Variants in SETDB2 observed in about 807,000 individuals in gnomAD.
The protein encoded by SETDB2 is SET domain bifurcated histone lysine methyltransferase 2.
In SETDB2, 56 loss-of-function variants were observed where a neutral mutation model predicts 82.5. The observed-to-expected ratio is 0.68, with a 90% CI of 0.55 to 0.85. The LOEUF (loss-of-function observed/expected upper bound fraction) is 0.85. Ranked by LOEUF, SETDB2 falls within the 40% of genes least tolerant of loss-of-function variation. SETDB2 has a pLI of 0.00. For missense variants in SETDB2, 677 were observed against 816.4 expected, an observed-to-expected ratio of 0.83 and a Z score of 2.08; for synonymous variants, 272 against 284.9, an observed-to-expected ratio of 0.95 and a Z score of 0.46.
intron 2 of SETDB2, among the ~76,000 whole-genome samples, chr13:49,453,295 T>C (rs1234913733): frequency 1.3e-5 from 2 of 150,058 alleles, no homozygotes; most frequent in Non-Finnish European, 3.0e-5. Flanking sequence ...CAGTTGGCTC[T>C]TTTTTTTCTT....
intron 5 of SETDB2, among the ~76,000 whole-genome samples, chr13:49,471,685 C>T (rs1251541682): frequency 6.6e-6 from 1 of 151,726 alleles, no homozygotes; most frequent in Non-Finnish European, 1.5e-5. Flanking sequence ...CCTACACATA[C>T]ATACACACAT....
At chr13:49,464,154 C>A in intron 4 of SETDB2, 1 of 724,870 alleles carries the variant, frequency 1.4e-6, no homozygotes, top group East Asian at 2.6e-5. Context: ...TAAATGGGTC[C>A]TATGAGAATA....
intron 9 of SETDB2, 32 bp downstream of exon 9, chr13:49,482,994 C>A: frequency 1.5e-6 from 2 of 1,291,926 alleles, no homozygotes; most frequent in Non-Finnish European, 2.2e-6. Flanking sequence ...CAGAGTAAAT[C>A]TAAATTATTA....
At chr13:49,491,683 G>A (rs1191584566) in intron 13 of SETDB2, 49 bp from the exon 14 acceptor site, 2 of 1,317,540 alleles carry the variant, frequency 1.5e-6, no homozygotes, top group Non-Finnish European at 2.2e-6. Flanking sequence ...TGGTTCATTG[G>A]TAGTTATTTA....
rs1378783393 is a variant in SETDB2, at chr13:49,471,934, A to ATATATT, written c.305+3975_305+3976insATATTT. Among the ~76,000 whole-genome samples, 151 of 119,250 alleles carry ATATATT rather than the reference A, an allele frequency of 1.3e-3. 1 individual carries two copies. Among genetic ancestry groups the ATATATT allele is most frequent in the African/African-American group, 5.2e-3 (145 of 27,764 alleles). 78.2% of individuals were successfully genotyped at this position (119,250 alleles called of 152,430 possible). A position where few individuals can be genotyped will look rare whatever the true frequency, so the allele number is the denominator to read the frequency against. ...GTGACATATATATATATATATATAT[A>ATATATT]TTTTTTTTTTTTTTTAAATAGAGAC... is the stretch of plus-strand genomic sequence containing the variant. On this transcript the variant is annotated intron_variant, in intron 5 of 13. Transcript: ENST00000611815.
At chr13:49,466,278 T>G (rs1376018755) in intron 4 of SETDB2, among the ~76,000 whole-genome samples, 1 of 151,884 alleles carries the variant, frequency 6.6e-6, no homozygotes, top group Non-Finnish European at 1.5e-5. Context: ...ACAAAAGAAT[T>G]TTAAAAATCA....
chr13:49,488,359 T>A lies in SETDB2; in HGVS notation c.1646T>A (p.Ile549Lys). 1 of 1,610,862 alleles carries A rather than the reference T, an allele frequency of 6.2e-7. No homozygotes were observed. Among genetic ancestry groups the A allele is most frequent in the East Asian group, 2.2e-5 (1 of 44,862 alleles). The change falls in exon 12 of 14, where the codon ATA becomes AAA. Residue 549 changes from isoleucine to lysine, a missense_variant. Around this residue, in one of 3 missense-constraint regions of SETDB2, gnomAD observed 420 missense variants for 554.6 expected, o/e 0.76. Coordinates refer to ENST00000611815, the MANE Select transcript of SETDB2 (RefSeq NM_001160308.3). ...CTGATTGAATCAGATGTGATAGATA[T>A]AACTAAATATAGAGAAGAAACTCCA... ...NLLIESDVID[I>K]TKYREETPPR...
chr13:49,483,571 A>G lies in SETDB2; in HGVS notation c.1482+8A>G. 1 of 1,307,776 alleles carries G rather than the reference A, an allele frequency of 7.6e-7. No individual in the cohort carries two copies. The highest frequency in any genetic ancestry group is 1.1e-6 in the Non-Finnish European group (1 of 946,622). 81.0% of individuals were successfully genotyped at this position (1,307,776 alleles called of 1,614,324 possible). The stretch of plus-strand genomic sequence containing the variant: ...CACAATGGGAAAAAAATGGTAAAAA[A>G]TGCAAAATGTAGTTGGGACCCTTCT... On this transcript the variant is annotated splice_region_variant and intron_variant, in intron 10 of 13. Coordinates refer to ENST00000611815, the MANE Select transcript of SETDB2 (RefSeq NM_001160308.3).
At chr13:49,453,302 T>C (rs560777284) in intron 2 of SETDB2, among the ~76,000 whole-genome samples, 48 of 150,490 alleles carry the variant, frequency 3.2e-4, no homozygotes, top group African/African-American at 1.2e-3. Context: ...CTCTTTTTTT[T>C]CTTTTTTTTT....
intron 4 of SETDB2, among the ~76,000 whole-genome samples, chr13:49,467,330 G>A (rs1470325854): frequency 6.6e-6 from 1 of 152,078 alleles, no homozygotes; most frequent in African/African-American, 2.4e-5. Context: ...AGGAGGTAGA[G>A]GTTGCAGTGA....
chr13:49,482,211 C>T, intron 8 of SETDB2: 1 of 985,382 alleles, frequency 1.0e-6, no homozygotes. Flanking sequence ...GAATATCCTG[C>T]TATTAATTTG....
In SETDB2 at chr13:49,476,812, C is replaced by G. The variant is rs1047998723; in HGVS notation, c.642C>G (p.Thr214=). ...FLFTDNFSFN[T]YVQLARNYPK... is the part of the protein sequence containing the mutation. ...TTACAGATAACTTTTCTTTCAATAC[C>G]TATGTTCAGTTGGCTCGGAATTACC... The change falls in exon 6 of 14, where the codon ACC becomes ACG. Residue 214 remains threonine (T), a synonymous_variant. Coordinates refer to ENST00000611815, the MANE Select transcript of SETDB2 (RefSeq NM_001160308.3). 1.2e-6 allele frequency: 2 copies of G among 1,613,798 alleles called. No individual in the cohort carries two copies. Among genetic ancestry groups the G allele is most frequent in the African/African-American group, 1.3e-5 (1 of 74,886 alleles).
intron 2 of SETDB2, among the ~76,000 whole-genome samples, chr13:49,458,754 C>T (rs774838481): frequency 6.6e-6 from 1 of 152,194 alleles, no homozygotes; most frequent in Admixed American, 6.5e-5. Context: ...GCCACCTGTC[C>T]CTCTACCTTT....
At chr13:49,489,943 A>G (rs1444327673) in intron 12 of SETDB2, among the ~76,000 whole-genome samples, 5 of 121,846 alleles carry the variant, frequency 4.1e-5, no homozygotes, top group African/African-American at 1.6e-4. Flanking sequence ...AAAACATAGC[A>G]TATTATATTC....
intron 2 of SETDB2, among the ~76,000 whole-genome samples, chr13:49,454,867 AT>A (rs35918643): frequency 8.0e-5 from 12 of 149,480 alleles, no homozygotes; most frequent in South Asian, 2.1e-4. Context: ...GTGGTTCTCA[AT>A]TTTTTTTTTG....
rs77248806 is a variant in SETDB2 at position 49,467,916 on chromosome 13, C to T, written c.261C>T (p.Pro87=). ...KEQENKSNAF[P]STSCENSFPE... Reference sequence around the variant, plus strand: ...AGGAAAACAAATCCAATGCATTTCCCTCTACATCATGTGAAAACTCCTTTC... The same window carrying T: ...AGGAAAACAAATCCAATGCATTTCCTTCTACATCATGTGAAAACTCCTTTC... The change falls in exon 5 of 14, where the codon CCC becomes CCT. Residue 87 remains proline (P), a synonymous_variant. Transcript: ENST00000611815. The T allele has an allele frequency of 1.1e-3, 1,714 of 1,610,756 alleles. 14 individuals carry two copies. The African/African-American group carries it at 0.019, about 18-fold the overall frequency.
rs1002509315 is a variant in SETDB2, at chr13:49,459,493, C to T, written c.17-614C>T. Among the ~76,000 whole-genome samples, 11 of 151,994 alleles carry T rather than the reference C, an allele frequency of 7.2e-5. 1 individual carries two copies. In the South Asian group the frequency reaches 8.3e-4, roughly 11 times the overall value. ...TAGGTATTTTTGTTACTTTTAAACG[C>T]GAAGTGAGATTTAGCTTTTGACAAC... On this transcript the variant is annotated intron_variant, in intron 2 of 13. Transcript: ENST00000611815.
At chr13:49,461,267 A>C in intron 4 of SETDB2, 105 bp downstream of exon 4, 1 of 731,588 alleles carries the variant, frequency 1.4e-6, no homozygotes. Context: ...TTTAAAATAA[A>C]ATCTAACATC....
intron 3 of SETDB2, 73 bp from the exon 4 acceptor site, chr13:49,461,024 T>C (rs1300957691): frequency 8.8e-7 from 1 of 1,133,040 alleles, no homozygotes; most frequent in Non-Finnish European, 1.3e-6. Flanking sequence ...AGATAAAATA[T>C]GTAAATTGTT....
Sources: allele counts gnomAD v4.1 joint callset (sites outside exome capture counted in the v4.1 genomes callset), GRCh38; gene constraint gnomAD v4.1.1; regional missense constraint gnomAD v4.1.1; transcripts MANE v1.5; gene names NCBI Gene and HGNC (gene_info 2026-07-23, HGNC 2026-07-21).